The following GALNT14 variants were observed in gnomAD, a reference collection of about 807,000 sequenced individuals.
The protein encoded by GALNT14 is UDP-GalNAc:polypeptide N-acetylgalactosaminyltransferase 14.
GALNT14 carries 60 observed loss-of-function variants against 77.5 expected under a neutral mutation model. The observed-to-expected ratio is 0.77, with a 90% CI of 0.63 to 0.96. The LOEUF (loss-of-function observed/expected upper bound fraction) is 0.96, where lower values mean the gene tolerates loss of function less well. Among genes scored for constraint, GALNT14 ranks in the 40% least tolerant of loss-of-function variants. The probability of loss-of-function intolerance (pLI) is 0.00; values close to 1 mark genes in which losing one functional copy is unlikely to be tolerated. For synonymous variants in GALNT14, 280 were observed against 281.7 expected (o/e 0.99, Z 0.06); for missense variants, 710 against 731.0 (o/e 0.97, Z 0.33).
chr2:30,971,853 G>A (rs958381461), intron 2 of GALNT14, among the ~76,000 whole-genome samples: 4 of 152,068 alleles, frequency 2.6e-5, no homozygotes, highest in African/African-American at 7.2e-5. Context: ...TGATGCGTGC[G>A]ATGCCTTTTA....
At chr2:31,120,453 A>G (rs1678349722) in intron 1 of GALNT14, among the ~76,000 whole-genome samples, 1 of 152,252 alleles carries the variant, frequency 6.6e-6, no homozygotes, top group Admixed American at 6.5e-5. Context: ...AGTGAGAAAT[A>G]TCACACAGAC....
chr2:31,076,630 T>TATATATATATATATATATATATA, intron 1 of GALNT14, among the ~76,000 whole-genome samples: 2 of 87,246 alleles, frequency 2.3e-5, no homozygotes, highest in African/African-American at 4.9e-5. Context: ...TATATATATA[T>TATATATATATATATATATATATA]TTTTTTTTTT....
At chr2:31,042,127 A>G (rs1269684845) in intron 1 of GALNT14, among the ~76,000 whole-genome samples, 1 of 152,200 alleles carries the variant, frequency 6.6e-6, no homozygotes, top group African/African-American at 2.4e-5. Flanking sequence ...ATCTTTCAAA[A>G]CTGATAAATT....
At chr2:30,929,372 C>A in intron 11 of GALNT14, 23 bp downstream of exon 11, 1 of 1,597,892 alleles carries the variant, frequency 6.3e-7, no homozygotes, top group South Asian at 1.1e-5. Context: ...TCTCTGCCCT[C>A]CTCAACCTGA....
intron 1 of GALNT14, among the ~76,000 whole-genome samples, chr2:31,084,049 T>C (rs1335798231): frequency 6.6e-6 from 1 of 152,156 alleles, no homozygotes; most frequent in Non-Finnish European, 1.5e-5. Flanking sequence ...GAGCGCTGGA[T>C]TCAAAGTCAG....
chr2:30,916,132 G>C lies in GALNT14; in HGVS notation c.1381-3790C>G, dbSNP rs550622766. Among the ~76,000 whole-genome samples, 6 of 152,296 alleles carry C rather than the reference G, an allele frequency of 3.9e-5. No individual in the cohort carries two copies. In the South Asian group the frequency reaches 1.2e-3, roughly 32 times the overall value. ...ATCTAGATTAAGTAAATTTACTGAGGCTCCAGGAGAAGGTCTTCAGGACTC... is the reference window on the plus strand; with the variant it reads ...ATCTAGATTAAGTAAATTTACTGAGCCTCCAGGAGAAGGTCTTCAGGACTC... On this transcript the variant is annotated intron_variant, in intron 13 of 14. Transcript: ENST00000349752.
At chr2:30,950,838 C>T (rs531189056) in intron 6 of GALNT14, among the ~76,000 whole-genome samples, 3 of 152,258 alleles carry the variant, frequency 2.0e-5, no homozygotes, top group South Asian at 4.1e-4. Context: ...AGGCTTTGCC[C>T]GACCAGCAGG....
At chr2:30,902,023 C>T in the GALNT14 span, among the ~76,000 whole-genome samples, 1 of 152,308 alleles carries the variant, frequency 6.6e-6, no homozygotes, top group African/African-American at 2.4e-5. Context: ...CAGGTTACTA[C>T]CTTTTGGCAT....
At chr2:30,894,223 G>A in the GALNT14 span, among the ~76,000 whole-genome samples, 3 of 152,278 alleles carry the variant, frequency 2.0e-5, no homozygotes, top group East Asian at 1.9e-4. Flanking sequence ...TACAGGCAGG[G>A]TCTGAAGATC....
chr2:30,948,548 C>T (rs540022384), intron 6 of GALNT14, among the ~76,000 whole-genome samples: 13 of 152,172 alleles, frequency 8.5e-5, no homozygotes, highest in South Asian at 6.2e-4. Context: ...TCGAGGCTTG[C>T]GGGGAGCTTT....
chr2:30,901,967 T>C, the GALNT14 span, among the ~76,000 whole-genome samples: 921 of 152,230 alleles, frequency 6.1e-3, 6 homozygotes, highest in African/African-American at 0.02. Flanking sequence ...TTGACAAACT[T>C]TCACCTTCAC....
intron 1 of GALNT14, among the ~76,000 whole-genome samples, chr2:31,115,042 T>C (rs573137148): frequency 4.0e-5 from 6 of 150,472 alleles, no homozygotes; most frequent in Admixed American, 2.0e-4. Context: ...AGCCCAGGAG[T>C]TCAAGACCAG....
chr2:31,048,163 G>C (rs1037453941), intron 1 of GALNT14, among the ~76,000 whole-genome samples: 5 of 152,250 alleles, frequency 3.3e-5, no homozygotes, highest in African/African-American at 1.2e-4. Flanking sequence ...GCCCAGAAGG[G>C]GATGTGCAGA....
chr2:31,071,488 T>G (rs977415942), intron 1 of GALNT14, among the ~76,000 whole-genome samples: 1 of 152,120 alleles, frequency 6.6e-6, no homozygotes, highest in African/African-American at 2.4e-5. Flanking sequence ...TAACATGAGC[T>G]CCAACTGTCC....
At chr2:31,125,343 A>C in intron 1 of GALNT14, 1 of 936,562 alleles carries the variant, frequency 1.1e-6, no homozygotes, top group Non-Finnish European at 1.7e-6. Context: ...ACCCCTCACA[A>C]AGACTCTGTG....
chr2:31,110,232 A>G (rs1400118319), intron 1 of GALNT14, among the ~76,000 whole-genome samples: 1 of 152,150 alleles, frequency 6.6e-6, no homozygotes, highest in African/African-American at 2.4e-5. Context: ...TGTATTATAA[A>G]TGCAGAGAGC....
intron 8 of GALNT14, among the ~76,000 whole-genome samples, chr2:30,942,802 C>A (rs542331352): frequency 8.7e-4 from 133 of 152,080 alleles, no homozygotes; most frequent in African/African-American, 3.1e-3. Flanking sequence ...CTTTTTTTTC[C>A]CTCTTTATGC....
chr2:31,057,306 T>C (rs1311215332), intron 1 of GALNT14, among the ~76,000 whole-genome samples: 1 of 145,166 alleles, frequency 6.9e-6, no homozygotes, highest in Non-Finnish European at 1.5e-5. Flanking sequence ...TATATATATA[T>C]ATATATATAT....
At chr2:30,993,750 G>A (rs1296941295) in intron 1 of GALNT14, among the ~76,000 whole-genome samples, 1 of 152,226 alleles carries the variant, frequency 6.6e-6, no homozygotes, top group Non-Finnish European at 1.5e-5. Flanking sequence ...GAACTGAGTA[G>A]GGAAGATGAA....
Sources: allele counts gnomAD v4.1 joint callset (sites outside exome capture counted in the v4.1 genomes callset), GRCh38; gene constraint gnomAD v4.1.1; transcripts MANE v1.5; gene names NCBI Gene and HGNC (gene_info 2026-07-23, HGNC 2026-07-21).